Variants in SH3D19 observed in about 807,000 individuals in gnomAD.
SH3D19 encodes the protein SH3 domain-containing protein 19.
A neutral mutation model predicts 112.1 loss-of-function variants in SH3D19; 58 were observed. The ratio of observed to expected loss-of-function variants is 0.52; its 90% CI spans 0.42 to 0.64. The LOEUF is 0.64. SH3D19 is among the 30% of genes least tolerant of loss of function. The probability of loss-of-function intolerance (pLI) is 0.00; values close to 1 mark genes in which losing one functional copy is unlikely to be tolerated. For missense variants in SH3D19, 1,090 were observed against 1,263.4 expected (o/e 0.86, Z 2.08); for synonymous variants, 391 against 448.5 (o/e 0.87, Z 1.62).
intron 15 of SH3D19, 123 bp downstream of exon 15, chr4:151,134,951 G>T: frequency 1.4e-6 from 1 of 724,766 alleles, no homozygotes; most frequent in Non-Finnish European, 2.3e-6. Context: ...GCCTCCCAAA[G>T]TACTGGGATA....
At chr4:151,149,420 C>T (rs1754522588) in intron 10 of SH3D19, 80 bp downstream of exon 10, 1 of 1,168,732 alleles carries the variant, frequency 8.6e-7, no homozygotes, top group South Asian at 1.3e-5. Flanking sequence ...TCAAGGCCAA[C>T]AACACTCAAT....
At chr4:151,163,441 G>A (rs1056918488) in intron 8 of SH3D19, among the ~76,000 whole-genome samples, 1 of 152,066 alleles carries the variant, frequency 6.6e-6, no homozygotes, top group Non-Finnish European at 1.5e-5. Context: ...ATTATTATAT[G>A]TTACTATACT....
chr4:151,155,743 G>T (rs945603053), intron 9 of SH3D19, among the ~76,000 whole-genome samples: 25 of 152,074 alleles, frequency 1.6e-4, no homozygotes, highest in African/African-American at 5.3e-4. Flanking sequence ...AAAAAAATTA[G>T]CTGGACATGG....
At chr4:151,160,587 C>T (rs1756982455) in intron 8 of SH3D19, among the ~76,000 whole-genome samples, 1 of 152,012 alleles carries the variant, frequency 6.6e-6, no homozygotes, top group Non-Finnish European at 1.5e-5. Flanking sequence ...GAGTGAATGA[C>T]TGTAACATAC....
intron 1 of SH3D19, among the ~76,000 whole-genome samples, chr4:151,233,552 C>T (rs1414046279): frequency 6.6e-6 from 1 of 152,226 alleles, no homozygotes; most frequent in Non-Finnish European, 1.5e-5. Flanking sequence ...GTTTCCTCAT[C>T]TACCTCCCTC....
chr4:151,191,259 A>G (rs1327973971), intron 2 of SH3D19, among the ~76,000 whole-genome samples: 1 of 152,240 alleles, frequency 6.6e-6, no homozygotes, highest in Non-Finnish European at 1.5e-5. Context: ...GCCTTGTCTC[A>G]GATGAGACAT....
chr4:151,135,002 C>T (rs1296511597), intron 15 of SH3D19, 72 bp downstream of exon 15: 3 of 1,320,834 alleles, frequency 2.3e-6, no homozygotes, highest in African/African-American at 1.5e-5. Flanking sequence ...GTGTTTTAAG[C>T]TTGATAATTC....
chr4:151,182,804 T>G (rs1761156535), intron 3 of SH3D19, among the ~76,000 whole-genome samples: 1 of 152,214 alleles, frequency 6.6e-6, no homozygotes, highest in Non-Finnish European at 1.5e-5. Context: ...TTTCCCAGAT[T>G]AAACAAATTT....
chr4:151,131,856 G>C (rs1008219268), intron 17 of SH3D19, among the ~76,000 whole-genome samples: 1 of 151,228 alleles, frequency 6.6e-6, no homozygotes, highest in Non-Finnish European at 1.5e-5. Context: ...ATAGAGTCTC[G>C]CACTGCCACC....
At chr4:151,194,539 C>T (rs904190844) in intron 2 of SH3D19, among the ~76,000 whole-genome samples, 3 of 151,488 alleles carry the variant, frequency 2.0e-5, no homozygotes, top group African/African-American at 7.3e-5. Context: ...CTCAGCCTCC[C>T]GAGTAGCTGG....
rs765042765 is a variant in SH3D19, at chr4:151,165,946, G to A, written c.1535-250C>T. The stretch of plus-strand genomic sequence containing the variant: ...GAGATTGAGGATGATCTTGAATTAT[G>A]TAGAAGCTGATCTTTCAGGGGAGTG... On this transcript the variant is annotated intron_variant, in intron 7 of 19. Coordinates refer to ENST00000604030, the MANE Select transcript of SH3D19 (RefSeq NM_001378122.1). The A allele has an allele frequency of 3.2e-4, 120 of 379,302 alleles. 1 individual carries two copies. The highest frequency in any genetic ancestry group is 5.4e-4 in the Non-Finnish European group (113 of 207,866). The allele number at this position is 379,302 out of a possible 1,614,324, so 23.5% of individuals were successfully genotyped here. A position where few individuals can be genotyped will look rare whatever the true frequency, so the allele number is the denominator to read the frequency against.
chr4:151,174,910 C>T lies in SH3D19; in HGVS notation c.1294G>A (p.Glu432Lys), dbSNP rs1455694400. The T allele has an allele frequency of 6.2e-7, 1 of 1,613,446 alleles. No individual in the cohort carries two copies. Among genetic ancestry groups the T allele is most frequent in the Non-Finnish European group, 8.5e-7 (1 of 1,179,578 alleles). The change falls in exon 7 of 20, where the codon GAA (glutamate) becomes AAA (lysine). Residue 432 changes from glutamate to lysine, a missense_variant. Coordinates refer to ENST00000604030, the MANE Select transcript of SH3D19 (RefSeq NM_001378122.1). ...GGAGCTGAAGGGTAGGTGGGGTTTT[C>T]TGAGGAAACAGATTTCTTCAGCAGC... ...PLLLKKSVSS[E>K]NPTYPSAPLK...
chr4:151,266,728 CT>C (rs1315269377), intron 1 of SH3D19, among the ~76,000 whole-genome samples: 2 of 152,164 alleles, frequency 1.3e-5, no homozygotes, highest in African/African-American at 4.8e-5. Flanking sequence ...AGTCATGTTG[CT>C]TATGGAAGAC....
chr4:151,301,567 CT>C (rs756901518), intron 1 of SH3D19, among the ~76,000 whole-genome samples: 3 of 152,080 alleles, frequency 2.0e-5, no homozygotes, highest in Non-Finnish European at 4.4e-5. Flanking sequence ...ACTCCCCGCT[CT>C]CTCTCTTCCT....
chr4:151,226,427 A>G (rs1048042063), intron 1 of SH3D19: 1 of 1,008,464 alleles, frequency 9.9e-7, no homozygotes, highest in African/African-American at 1.7e-5. Context: ...CTGCAAAGCC[A>G]CAGATTACTC....
intron 2 of SH3D19, among the ~76,000 whole-genome samples, chr4:151,198,220 A>G (rs1352134145): frequency 1.3e-5 from 2 of 150,578 alleles, no homozygotes; most frequent in Non-Finnish European, 3.0e-5. Context: ...CAGAAGAATC[A>G]CTTGAACCCG....
At chr4:151,190,819 G>A (rs1346356317) in intron 2 of SH3D19, among the ~76,000 whole-genome samples, 1 of 152,204 alleles carries the variant, frequency 6.6e-6, no homozygotes, top group Non-Finnish European at 1.5e-5. Flanking sequence ...CCCTACTGGG[G>A]CATCGCCTAG....
intron 1 of SH3D19, among the ~76,000 whole-genome samples, chr4:151,255,067 G>A (rs6850554): frequency 0.086 from 12,689 of 147,916 alleles, 681 homozygotes; most frequent in East Asian, 0.19. Context: ...GCGGCTGGCC[G>A]GGCGGGGGGC....
chr4:151,286,484 A>G (rs1056933731), intron 1 of SH3D19, among the ~76,000 whole-genome samples: 6 of 151,786 alleles, frequency 4.0e-5, no homozygotes, highest in Middle Eastern at 3.2e-3. Context: ...AAAAAATTAG[A>G]TAACTAAGAT....
Sources: allele counts gnomAD v4.1 joint callset (sites outside exome capture counted in the v4.1 genomes callset), GRCh38; gene constraint gnomAD v4.1.1; transcripts MANE v1.5; gene names NCBI Gene and HGNC (gene_info 2026-07-23, HGNC 2026-07-21).